DDX42: variants seen among roughly 807,000 people sequenced by gnomAD.
The protein encoded by DDX42 is DEAD-box helicase 42.
A neutral mutation model predicts 101.5 loss-of-function variants in DDX42; 22 were observed. The ratio of observed to expected loss-of-function variants is 0.22; its 90% CI spans 0.15 to 0.31. The LOEUF (loss-of-function observed/expected upper bound fraction) is 0.31, where lower values mean the gene tolerates loss of function less well. DDX42 is among the 10% of genes least tolerant of loss of function. The pLI is 1.00. For missense variants in DDX42, 849 were observed against 1,199.9 expected (o/e 0.71, Z 4.32); for synonymous variants, 402 against 401.2 (o/e 1.00, Z -0.02).
chr17:63,805,215 A>G (rs1271581028), intron 7 of DDX42, 40 bp downstream of exon 7: 1 of 1,595,856 alleles, frequency 6.3e-7, no homozygotes. Flanking sequence ...TATTAATGTT[A>G]ATTAGTCCAG....
chr17:63,803,881 C>A (rs1379871274), intron 6 of DDX42, among the ~76,000 whole-genome samples: 7 of 151,950 alleles, frequency 4.6e-5, no homozygotes, highest in Non-Finnish European at 8.8e-5. Flanking sequence ...AACTCCTGAC[C>A]TCAAGTGATC....
chr17:63,787,246 G>A lies in DDX42; in HGVS notation c.197G>A (p.Arg66Gln), dbSNP rs2039558397. Residue 66 changes from arginine to glutamine, a missense_variant, in exon 2 of 18, where the codon CGG becomes CAG. Arg to Gln is a conservative substitution (Grantham distance 43, BLOSUM62 1). Around this residue, in one of 5 missense-constraint regions of DDX42, gnomAD observed 92 missense variants for 106.7 expected, o/e 0.86. Coordinates refer to ENST00000389924, the MANE Select transcript of DDX42 (RefSeq NM_203499.3). Reference protein sequence around the residue: ...LPSFYKIGSKRANFDEENAYF... With the variant: ...LPSFYKIGSKQANFDEENAYF... Reference sequence around the variant, plus strand: ...TCTTTCTACAAAATTGGATCTAAGCGGGCCAACTTTGATGAAGAAAATGCG... The same window carrying A: ...TCTTTCTACAAAATTGGATCTAAGCAGGCCAACTTTGATGAAGAAAATGCG... 3.7e-6 allele frequency: 6 copies of A among 1,614,004 alleles called. No individual in the cohort carries two copies. The highest frequency in any genetic ancestry group is 1.3e-5 in the African/African-American group (1 of 74,924).
At chr17:63,794,647 A>T (rs922064550) in intron 3 of DDX42, among the ~76,000 whole-genome samples, 7 of 151,984 alleles carry the variant, frequency 4.6e-5, no homozygotes, top group Non-Finnish European at 7.4e-5. Flanking sequence ...AAAAAAAAAA[A>T]AAATTTGGCC....
At chr17:63,788,912 T>C (rs1001736133) in intron 2 of DDX42, among the ~76,000 whole-genome samples, 13 of 151,986 alleles carry the variant, frequency 8.6e-5, no homozygotes, top group Admixed American at 2.6e-4. Flanking sequence ...GTTGTTGTTT[T>C]GAGATAGGGT....
chr17:63,795,485 A>T (rs1295394198), intron 3 of DDX42, among the ~76,000 whole-genome samples: 2 of 151,890 alleles, frequency 1.3e-5, no homozygotes, highest in Non-Finnish European at 2.9e-5. Flanking sequence ...CTGGAACTAC[A>T]GGTGCACGGC....
At chr17:63,789,163 C>A (rs945776925) in intron 2 of DDX42, among the ~76,000 whole-genome samples, 11 of 152,060 alleles carry the variant, frequency 7.2e-5, no homozygotes, top group Admixed American at 3.3e-4. Context: ...ACAGCAACCT[C>A]CACTTCCTGG....
chr17:63,814,014 A>G (rs957341043), intron 15 of DDX42, among the ~76,000 whole-genome samples: 4 of 152,026 alleles, frequency 2.6e-5, no homozygotes, highest in African/African-American at 7.2e-5. Flanking sequence ...CAATTTTTGT[A>G]ATTTTAGTAG....
Position 63,811,981 on chromosome 17 carries a change from G to A in DDX42, c.1448G>A (p.Ser483Asn). The A allele has an allele frequency of 6.2e-7, 1 of 1,614,206 alleles. No individual in the cohort carries two copies. Among genetic ancestry groups the A allele is most frequent in the Non-Finnish European group, 8.5e-7 (1 of 1,180,042 alleles). The change falls in exon 14 of 18, where the codon AGT becomes AAT. Residue 483 changes from serine to asparagine, a missense_variant. Coordinates refer to ENST00000389924, the MANE Select transcript of DDX42 (RefSeq NM_203499.3). ...GTGGAGATTCTCCATTCTGGACCTA[G>A]TAAATGGAACTGGCTTACCCGGCGT... ...QIVEILHSGPSKWNWLTRRLV... is the reference protein window; with the variant it reads ...QIVEILHSGPNKWNWLTRRLV...
intron 1 of DDX42, among the ~76,000 whole-genome samples, chr17:63,783,504 A>G (rs2039512440): frequency 6.6e-6 from 1 of 152,190 alleles, no homozygotes; most frequent in African/African-American, 2.4e-5. Context: ...AGATTAGTTT[A>G]AAAACGTCAG....
chr17:63,816,832 A>AT, intron 16 of DDX42, 36 bp from the exon 17 acceptor site: 1 of 1,574,934 alleles, frequency 6.3e-7, no homozygotes, highest in South Asian at 1.1e-5. Flanking sequence ...TTTCCTGCTT[A>AT]TTTTTTCATT....
chr17:63,797,561 C>CAGT (rs2039709065), intron 3 of DDX42, among the ~76,000 whole-genome samples: 2 of 152,088 alleles, frequency 1.3e-5, no homozygotes, highest in East Asian at 3.9e-4. Flanking sequence ...CTCTAGAAAC[C>CAGT]AGTACTATCA....
At chr17:63,786,760 C>T (rs2039551989) in intron 1 of DDX42, among the ~76,000 whole-genome samples, 1 of 152,256 alleles carries the variant, frequency 6.6e-6, no homozygotes, top group African/African-American at 2.4e-5. Flanking sequence ...TCACTGCAAC[C>T]TCCGCCTCTC....
rs536541214 is a variant in DDX42, at chr17:63,807,995, T to A, written c.1023+95T>A. On this transcript the variant is annotated intron_variant, in intron 9 of 17. Transcript: ENST00000389924. The stretch of plus-strand genomic sequence containing the variant: ...AGAATGACCAGGAAACTTTTTTTTT[T>A]AATTGTGATAAGATACACACAAAAT... 4.2e-5 allele frequency: 49 copies of A among 1,171,562 alleles called. No individual in the cohort carries two copies. The Admixed American group carries it at 6.9e-4, about 17-fold the overall frequency. 72.6% of individuals were successfully genotyped at this position (1,171,562 alleles called of 1,614,324 possible).
At chr17:63,816,308 T>A (rs910462226) in intron 16 of DDX42, among the ~76,000 whole-genome samples, 8 of 152,196 alleles carry the variant, frequency 5.3e-5, no homozygotes, top group African/African-American at 1.9e-4. Flanking sequence ...GTTCCCACAT[T>A]ATAATAATAA....
rs532055356 is a variant in DDX42, at chr17:63,784,888, G to T, written c.-16-2146G>T. On this transcript the variant is annotated intron_variant, in intron 1 of 17. Coordinates refer to ENST00000389924, the MANE Select transcript of DDX42 (RefSeq NM_203499.3). ...CACAAAGATGTAGCTATAATGATGT[G>T]TTTTGCAACATTGTGTTACCAGTAT... Among the ~76,000 whole-genome samples the T allele has an allele frequency of 2.0e-5, 3 of 152,248 alleles. No homozygotes were observed. In the East Asian group the frequency reaches 5.8e-4, roughly 29 times the overall value.
rs1354664847 is a variant in DDX42, at chr17:63,805,184, C to T, written c.726+9C>T. 1.2e-6 allele frequency: 2 copies of T among 1,610,260 alleles called. No homozygotes were observed. Among genetic ancestry groups the T allele is most frequent in the Non-Finnish European group, 1.7e-6 (2 of 1,179,056 alleles). On this transcript the variant is annotated intron_variant, in intron 7 of 17. Transcript: ENST00000389924. The stretch of plus-strand genomic sequence containing the variant: ...ATAAGCTCAATCTTCGGGTAAGCAT[C>T]ATTAAGCTCAATATTCTTAATATTA...
intron 7 of DDX42, 129 bp from the exon 8 acceptor site, chr17:63,806,406 T>G: frequency 9.9e-7 from 1 of 1,010,262 alleles, no homozygotes; most frequent in Non-Finnish European, 1.4e-6. Flanking sequence ...TTGTATGATT[T>G]TGGCTTACAG....
intron 13 of DDX42, 60 bp downstream of exon 13, chr17:63,811,233 C>T: frequency 8.2e-7 from 1 of 1,213,896 alleles, no homozygotes; most frequent in South Asian, 1.5e-5. Context: ...TTATGGAACA[C>T]AGAATTAATT....
At chr17:63,811,000 G>A (rs2039903202) in intron 12 of DDX42, 76 bp from the exon 13 acceptor site, 14 of 1,223,184 alleles carry the variant, frequency 1.1e-5, no homozygotes, top group African/African-American at 1.5e-5. Flanking sequence ...GAATAATCCT[G>A]AATGCCAAAG....
Sources: gnomAD v4.1 joint callset for allele counts (sites outside exome capture counted in the v4.1 genomes callset) on GRCh38, gnomAD v4.1.1 for gene constraint, gnomAD v4.1.1 regional missense constraint, MANE v1.5 for transcripts, NCBI Gene and HGNC (gene_info 2026-07-23, HGNC 2026-07-21) for gene names.